The following FRMPD1 variants were observed in gnomAD, a reference collection of about 807,000 sequenced individuals.
FRMPD1 encodes the protein FERM and PDZ domain-containing protein 1.
FRMPD1 carries 76 observed loss-of-function variants against 117.8 expected under a neutral mutation model. That is an observed-to-expected ratio of 0.65 (90% CI 0.54 to 0.78). FRMPD1 has a LOEUF of 0.78. Among genes scored for constraint, FRMPD1 ranks in the 30% least tolerant of loss-of-function variants. The pLI, the probability that FRMPD1 is intolerant of heterozygous loss-of-function variation, is 0.00. For missense variants in FRMPD1, 1,786 were observed against 1,964.5 expected (o/e 0.91, Z 1.72); for synonymous variants, 783 against 770.4 (o/e 1.02, Z -0.27).
chr9:37,605,063 G>T, the FRMPD1 span, among the ~76,000 whole-genome samples: 1 of 152,242 alleles, frequency 6.6e-6, no homozygotes, highest in Non-Finnish European at 1.5e-5. Context: ...AATCCAGGCA[G>T]TTCCACTGTG....
chr9:37,630,272 T>C, the FRMPD1 span, among the ~76,000 whole-genome samples: 1 of 152,224 alleles, frequency 6.6e-6, no homozygotes, highest in Non-Finnish European at 1.5e-5. Flanking sequence ...TTACAATTGA[T>C]AGTGCCTTAG....
At chr9:37,615,113 CTT>C in the FRMPD1 span, among the ~76,000 whole-genome samples, 1 of 148,608 alleles carries the variant, frequency 6.7e-6, no homozygotes, top group East Asian at 2.0e-4. Flanking sequence ...TTCTTTCTTT[CTT>C]TTTTTTTTGT....
At chr9:37,710,005 T>C (rs1490840798) in intron 4 of FRMPD1, among the ~76,000 whole-genome samples, 1 of 152,208 alleles carries the variant, frequency 6.6e-6, no homozygotes, top group Non-Finnish European at 1.5e-5. Context: ...TTTTTAAGCT[T>C]AGTTCCCAGT....
chr9:37,702,379 G>A (rs1423320084), intron 2 of FRMPD1, among the ~76,000 whole-genome samples: 1 of 152,202 alleles, frequency 6.6e-6, no homozygotes, highest in African/African-American at 2.4e-5. Context: ...GGAATAAATA[G>A]TCTGTTAAGG....
chr9:37,623,725 C>T, the FRMPD1 span, among the ~76,000 whole-genome samples: 1 of 152,104 alleles, frequency 6.6e-6, no homozygotes, highest in Non-Finnish European at 1.5e-5. Context: ...AATCCTGTAG[C>T]AGGCTATAGA....
At chr9:37,638,022 TTCTCTC>T in the FRMPD1 span, among the ~76,000 whole-genome samples, 12 of 81,012 alleles carry the variant, frequency 1.5e-4, no homozygotes, top group Admixed American at 4.1e-4. Context: ...CTTTCTTTCT[TTCTCTC>T]TCTTTCTTCC....
intron 10 of FRMPD1, among the ~76,000 whole-genome samples, chr9:37,733,187 G>T (rs1823967587): frequency 6.6e-6 from 1 of 152,118 alleles, no homozygotes; most frequent in East Asian, 1.9e-4. Context: ...GTATTTTGTA[G>T]TGAAAAAGAT....
In FRMPD1 at chr9:37,734,032, T is replaced by A. The variant is rs114990960; in HGVS notation, c.1218+207T>A. ...TGATAGATGCTAGGGGAAGCAGGGCTGAATAAGATGTGATTTCCGTCCTTG... is the reference window on the plus strand; with the variant it reads ...TGATAGATGCTAGGGGAAGCAGGGCAGAATAAGATGTGATTTCCGTCCTTG... On this transcript the variant is annotated intron_variant, in intron 12 of 15. Coordinates refer to ENST00000377765, the MANE Select transcript of FRMPD1 (RefSeq NM_014907.3). 5.7e-3 allele frequency among the ~76,000 whole-genome samples: 864 copies of A among 152,306 alleles called. 14 individuals carry two copies. Among genetic ancestry groups the A allele is most frequent in the African/African-American group, 0.02 (828 of 41,548 alleles).
the FRMPD1 span, among the ~76,000 whole-genome samples, chr9:37,617,951 C>T: frequency 6.6e-6 from 1 of 152,192 alleles, no homozygotes; most frequent in Non-Finnish European, 1.5e-5. Flanking sequence ...AGCTCAGCAG[C>T]CTTCCTGAGT....
chr9:37,723,317 C>CA (rs1823476757), intron 6 of FRMPD1, among the ~76,000 whole-genome samples: 1 of 152,178 alleles, frequency 6.6e-6, no homozygotes, highest in Non-Finnish European at 1.5e-5. Flanking sequence ...GGTCATGAGA[C>CA]ATTGCACAGG....
chr9:37,620,046 T>C, the FRMPD1 span, among the ~76,000 whole-genome samples: 1 of 152,136 alleles, frequency 6.6e-6, no homozygotes, highest in African/African-American at 2.4e-5. Context: ...ATTCCATCCT[T>C]ACCCTGTAAC....
chr9:37,645,610 G>A, the FRMPD1 span, among the ~76,000 whole-genome samples: 2 of 152,192 alleles, frequency 1.3e-5, no homozygotes, highest in African/African-American at 4.8e-5. Flanking sequence ...CTCTTCACCA[G>A]TACACAGATA....
At chr9:37,634,488 A>G in the FRMPD1 span, among the ~76,000 whole-genome samples, 2 of 152,192 alleles carry the variant, frequency 1.3e-5, no homozygotes, top group African/African-American at 2.4e-5. Flanking sequence ...TAAACACACC[A>G]GTGGTTCTTT....
the FRMPD1 span, among the ~76,000 whole-genome samples, chr9:37,606,418 T>G: frequency 6.6e-6 from 1 of 152,210 alleles, no homozygotes; most frequent in South Asian, 2.1e-4. Flanking sequence ...TTGCCTTGTT[T>G]CACTCTCAGA....
chr9:37,693,241 C>G (rs1373544802), intron 2 of FRMPD1: 1 of 154,886 alleles, frequency 6.5e-6, no homozygotes, highest in Non-Finnish European at 1.4e-5. Context: ...AGCAGCTGTT[C>G]CTTCCTTGCA....
At position 37,746,652 on chromosome 9, in the gene FRMPD1, G is replaced by T; in HGVS notation, c.4620G>T (p.Ser1540=). The T allele has an allele frequency of 1.2e-6, 2 of 1,614,054 alleles. No individual in the cohort carries two copies. The highest frequency in any genetic ancestry group is 8.5e-7 in the Non-Finnish European group (1 of 1,179,918). Residue 1540 remains serine, a synonymous_variant, in exon 16 of 16, where the codon TCG becomes TCT. Coordinates refer to ENST00000377765, the MANE Select transcript of FRMPD1 (RefSeq NM_014907.3). ...TYHQFIEAAK[S]TCERGYHDLS... ...ATCAGTTTATAGAGGCTGCTAAATC[G>T]ACCTGCGAGAGAGGCTACCACGACC...
the FRMPD1 span, among the ~76,000 whole-genome samples, chr9:37,617,051 G>A: frequency 1.8e-4 from 27 of 152,210 alleles, no homozygotes; most frequent in Non-Finnish European, 3.5e-4. Flanking sequence ...TCATTATTGA[G>A]CACCCACACT....
chr9:37,682,606 C>G (rs1821767582), intron 1 of FRMPD1, among the ~76,000 whole-genome samples: 2 of 152,164 alleles, frequency 1.3e-5, no homozygotes, highest in South Asian at 4.1e-4. Context: ...TTTCAGCATT[C>G]CCTAGGTTTT....
intron 1 of FRMPD1, among the ~76,000 whole-genome samples, chr9:37,689,383 T>A (rs1822055864): frequency 6.6e-6 from 1 of 152,144 alleles, no homozygotes. Flanking sequence ...ATTCCCTCTG[T>A]TTTTGATCTG....
Sources: gnomAD v4.1 joint callset for allele counts (sites outside exome capture counted in the v4.1 genomes callset) on GRCh38, gnomAD v4.1.1 for gene constraint, MANE v1.5 for transcripts, NCBI Gene and HGNC (gene_info 2026-07-23, HGNC 2026-07-21) for gene names.